Variants in RPL38 observed in about 807,000 individuals in gnomAD.
RPL38 encodes ribosomal protein L38.
In RPL38, 2 loss-of-function variants were observed where a neutral mutation model predicts 12.8. The ratio of observed to expected loss-of-function variants is 0.16; its 90% CI spans 0.06 to 0.49. The LOEUF is 0.49. Ranked by LOEUF, RPL38 falls within the 20% of genes least tolerant of loss-of-function variation. The probability of loss-of-function intolerance (pLI) is 0.96; values close to 1 mark genes in which losing one functional copy is unlikely to be tolerated. For missense variants in RPL38, 52 were observed against 79.8 expected (o/e 0.65, Z 1.33); for synonymous variants, 42 against 30.1 (o/e 1.39, Z -1.29).
intron 3 of RPL38, chr17:74,204,446 A>T: frequency 1.9e-6 from 1 of 514,184 alleles, no homozygotes; most frequent in Non-Finnish European, 3.5e-6. Context: ...TTTCTTTCGT[A>T]TAATATAGTA....
chr17:74,209,129 A>C (rs2050141784), intron 3 of RPL38, 58 bp from the exon 4 acceptor site: 1 of 1,594,238 alleles, frequency 6.3e-7, no homozygotes, highest in Non-Finnish European at 8.6e-7. Context: ...TTGCACATGG[A>C]CTGTGTCACA....
rs2050151159 is a variant in RPL38 at position 74,209,990 on chromosome 17, T to C, written c.*161T>C. Reference sequence around the variant, plus strand: ...TGCCTTCCTGTGTCTTTTTTTTTTTTTTTTTTTCTTTCTTTGAGACGGAGT... The same window carrying C: ...TGCCTTCCTGTGTCTTTTTTTTTTTCTTTTTTTCTTTCTTTGAGACGGAGT... On this transcript the variant is annotated 3_prime_UTR_variant, in exon 5 of 5. Coordinates refer to ENST00000311111, the MANE Select transcript of RPL38 (RefSeq NM_000999.4). 1.2e-5 allele frequency: 7 copies of C among 586,206 alleles called. No individual in the cohort carries two copies. The South Asian group carries it at 1.3e-4, about 11-fold the overall frequency. 36.3% of individuals were successfully genotyped at this position (586,206 alleles called of 1,614,324 possible).
rs968020075 is a variant in RPL38, at chr17:74,203,802, G to A, written c.-39+57G>A. 9 of 946,256 alleles carry A rather than the reference G, an allele frequency of 9.5e-6. No homozygotes were observed. In the African/African-American group the frequency reaches 1.5e-4, roughly 16 times the overall value. The allele number at this position is 946,256 out of a possible 1,614,324, so 58.6% of individuals were successfully genotyped here. A position where few individuals can be genotyped will look rare whatever the true frequency, so the allele number is the denominator to read the frequency against. ...TCTGGGGACCCCAGGTCCGCGTGGA[G>A]GGTGTCGGGGAGGAGAAGGGGAGTG... On this transcript the variant is annotated intron_variant, in intron 1 of 4. Transcript: ENST00000311111.
chr17:74,207,838 T>C (rs1049194689), intron 3 of RPL38, among the ~76,000 whole-genome samples: 4 of 152,208 alleles, frequency 2.6e-5, no homozygotes, highest in Non-Finnish European at 4.4e-5. Context: ...CATATGTCTT[T>C]ACAAGTGGTG....
chr17:74,206,074 C>G (rs1370962883), intron 3 of RPL38: 1 of 152,196 alleles, frequency 6.6e-6, no homozygotes, highest in Non-Finnish European at 1.5e-5. Context: ...GTAGTGGTCA[C>G]AGTCCCCTGG....
intron 3 of RPL38, among the ~76,000 whole-genome samples, chr17:74,208,038 C>T (rs1467071733): frequency 6.6e-6 from 1 of 152,090 alleles, no homozygotes; most frequent in South Asian, 2.1e-4. Flanking sequence ...ATGGAGTTGC[C>T]GAATTGCTAG....
At position 74,210,198 on chromosome 17, in the gene RPL38, G is replaced by A. The variant is rs2050153820; in HGVS notation, c.*369G>A. On this transcript the variant is annotated 3_prime_UTR_variant, in exon 5 of 5. Transcript: ENST00000311111. Reference sequence around the variant, plus strand: ...AGACAGGGTTTCACTGCCTGCCTCAGCCTCCCATAGTGCTGGGATTACAGG... The same window carrying A: ...AGACAGGGTTTCACTGCCTGCCTCAACCTCCCATAGTGCTGGGATTACAGG... 5.4e-6 allele frequency: 1 copy of A among 184,806 alleles called. No individual in the cohort carries two copies. The highest frequency in any genetic ancestry group is 1.1e-5 in the Non-Finnish European group (1 of 88,080). 11.4% of individuals were successfully genotyped at this position (184,806 alleles called of 1,614,324 possible). A position where few individuals can be genotyped will look rare whatever the true frequency, so the allele number is the denominator to read the frequency against.
rs531374228 is a variant in RPL38 at position 74,209,916 on chromosome 17, T to G, written c.*87T>G. 342 of 1,140,254 alleles carry G rather than the reference T, an allele frequency of 3.0e-4. 4 individuals carry two copies. In the South Asian group the frequency reaches 3.6e-3, roughly 12 times the overall value. The allele number at this position is 1,140,254 out of a possible 1,614,324, so 70.6% of individuals were successfully genotyped here. A position where few individuals can be genotyped will look rare whatever the true frequency, so the allele number is the denominator to read the frequency against. ...TCTTTGCGGATGGGAAAGGGAAAAA[T>G]GCTACCTCGTAGTGGCTTCTGATGG... On this transcript the variant is annotated 3_prime_UTR_variant, in exon 5 of 5. Coordinates refer to ENST00000311111, the MANE Select transcript of RPL38 (RefSeq NM_000999.4).
rs77174397 is a variant in RPL38, at chr17:74,209,305, C to G, written c.183C>G (p.Pro61=). The part of the protein sequence containing the change: ...EKAEKLKQSL[P]PGLAVKELK Reference sequence around the variant, plus strand: ...CAGAGAAACTGAAGCAGTCCCTGCCCCCCGGTGAGTGAGCCTGAAGTCACT... The same window carrying G: ...CAGAGAAACTGAAGCAGTCCCTGCCGCCCGGTGAGTGAGCCTGAAGTCACT... The change falls in exon 4 of 5, where the codon CCC becomes CCG. Residue 61 remains proline, a synonymous_variant. Transcript: ENST00000311111. 2 of 1,613,972 alleles carry G rather than the reference C, an allele frequency of 1.2e-6. No homozygotes were observed. Among genetic ancestry groups the G allele is most frequent in the Admixed American group, 1.7e-5 (1 of 59,966 alleles).
At chr17:74,206,905 A>G (rs1315037992) in intron 3 of RPL38, among the ~76,000 whole-genome samples, 1 of 145,944 alleles carries the variant, frequency 6.9e-6, no homozygotes, top group Non-Finnish European at 1.5e-5. Context: ...TAAAGTAGAG[A>G]CGGGGTTTCA....
chr17:74,205,099 G>A (rs2050100433), intron 3 of RPL38: 1 of 152,214 alleles, frequency 6.6e-6, no homozygotes, highest in African/African-American at 2.4e-5. Context: ...TGTACATACA[G>A]GGGAAAGAAG....
Position 74,209,856 on chromosome 17 carries a change from T to TA in RPL38, c.*28dup. 1 of 1,579,650 alleles carries TA rather than the reference T, an allele frequency of 6.3e-7. No individual in the cohort carries two copies. Among genetic ancestry groups the TA allele is most frequent in the Middle Eastern group, 1.7e-4 (1 of 6,006 alleles). On this transcript the variant is annotated 3_prime_UTR_variant, in exon 5 of 5. Transcript: ENST00000311111. ...CCAGACACACTGATTGGAACTGTAT[T>TA]ATATTAAAATACTAAAAATCCTAAG...
intron 4 of RPL38, 193 bp downstream of exon 4, chr17:74,209,502 C>A: frequency 1.4e-6 from 1 of 712,796 alleles, no homozygotes; most frequent in Non-Finnish European, 2.3e-6. Flanking sequence ...AAATCATTTC[C>A]TTAGCCAGAA....
rs765231740 is a variant in RPL38 at position 74,204,254 on chromosome 17, CT to C, written c.64+66del. On this transcript the variant is annotated intron_variant, in intron 3 of 4. Transcript: ENST00000311111. ...TAGCCTGGCACCGCTCCGGGAGCGT[CT>C]TCCCCGGAATGTCAGGCAGGAGACG... The C allele has an allele frequency of 3.5e-5, 52 of 1,478,156 alleles. No homozygotes were observed. The East Asian group carries it at 1.2e-3, about 33-fold the overall frequency. The allele number at this position is 1,478,156 out of a possible 1,614,324, so 91.6% of individuals were successfully genotyped here. A position where few individuals can be genotyped will look rare whatever the true frequency, so the allele number is the denominator to read the frequency against.
chr17:74,207,010 C>G (rs140358921), intron 3 of RPL38, among the ~76,000 whole-genome samples: 2,841 of 151,900 alleles, frequency 0.019, 94 homozygotes, highest in African/African-American at 0.065. Context: ...GCCACTGTGC[C>G]CGGCCTGCAA....
Position 74,209,265 on chromosome 17 carries a change from C to G in RPL38, c.143C>G (p.Thr48Ser). The change falls in exon 4 of 5, where the codon ACT becomes AGT. Residue 48 changes from threonine to serine, a missense_variant. Transcript: ENST00000311111. The part of the protein sequence containing the change: ...CSRYLYTLVI[T>S]DKEKAEKLKQ... ...AGATACCTTTACACCCTGGTCATCACTGACAAAGAGAAGGCAGAGAAACTG... is the reference window on the plus strand; with the variant it reads ...AGATACCTTTACACCCTGGTCATCAGTGACAAAGAGAAGGCAGAGAAACTG... 1 of 1,614,142 alleles carries G rather than the reference C, an allele frequency of 6.2e-7. No individual in the cohort carries two copies. The highest frequency in any genetic ancestry group is 8.5e-7 in the Non-Finnish European group (1 of 1,180,022).
At position 74,203,968 on chromosome 17, in the gene RPL38, G is replaced by C. The variant is rs1384501420; in HGVS notation, c.3+10G>C. The C allele has an allele frequency of 1.2e-6, 2 of 1,612,910 alleles. No individual in the cohort carries two copies. Among genetic ancestry groups the C allele is most frequent in the Non-Finnish European group, 8.5e-7 (1 of 1,179,616 alleles). ...GCGCCTCGTCGCCATGGTGAGTACA[G>C]TCCCTGCCTGGCGCCTTCCCGGGGT... On this transcript the variant is annotated intron_variant, in intron 2 of 4. Transcript: ENST00000311111.
intron 3 of RPL38, among the ~76,000 whole-genome samples, chr17:74,206,904 G>GA (rs1205677089): frequency 1.3e-5 from 2 of 150,310 alleles, no homozygotes; most frequent in African/African-American, 2.5e-5. Context: ...TTAAAGTAGA[G>GA]ACGGGGTTTC....
intron 3 of RPL38, among the ~76,000 whole-genome samples, chr17:74,207,633 T>G (rs1195287708): frequency 6.6e-6 from 1 of 152,098 alleles, no homozygotes; most frequent in Non-Finnish European, 1.5e-5. Flanking sequence ...TTCTCCTGCC[T>G]CAGCCTCCTG....
Sources: gnomAD v4.1 joint callset for allele counts (sites outside exome capture counted in the v4.1 genomes callset) on GRCh38, gnomAD v4.1.1 for gene constraint, MANE v1.5 for transcripts, NCBI Gene and HGNC (gene_info 2026-07-23, HGNC 2026-07-21) for gene names.